The following ATP10A variants were observed in gnomAD, a reference collection of about 807,000 sequenced individuals.
The protein encoded by ATP10A is phospholipid-transporting ATPase VA.
In ATP10A, 111 loss-of-function variants were observed where a neutral mutation model predicts 147.8. The ratio of observed to expected loss-of-function variants is 0.75; its 90% CI spans 0.64 to 0.88. The LOEUF is 0.88. Ranked by LOEUF, ATP10A falls within the 40% of genes least tolerant of loss-of-function variation. The pLI is 0.00. For synonymous variants in ATP10A, 875 were observed against 841.6 expected (o/e 1.04, Z -0.69); for missense variants, 1,927 against 1,959.0 (o/e 0.98, Z 0.31).
chr15:25,679,866 A>G lies in ATP10A; in HGVS notation c.3975T>C (p.Phe1325=). ...PRRCSAPKET[F]AQGRLPKDSG... ...AGTCCTTCGGGAGGCGTCCCTGAGC[A>G]AAGGTCTCTTTGGGAGCACTGCATC... Residue 1325 remains phenylalanine, a synonymous_variant, in exon 21 of 21, where the codon TTT becomes TTC. Coordinates refer to ENST00000555815, the MANE Select transcript of ATP10A (RefSeq NM_024490.4). 8 of 1,610,418 alleles carry G rather than the reference A, an allele frequency of 5.0e-6. No homozygotes were observed. The highest frequency in any genetic ancestry group is 6.8e-6 in the Non-Finnish European group (8 of 1,179,970).
At chr15:25,729,213 G>T (rs890816431) in intron 3 of ATP10A, among the ~76,000 whole-genome samples, 1 of 152,198 alleles carries the variant, frequency 6.6e-6, no homozygotes, top group Non-Finnish European at 1.5e-5. Context: ...TTGGACAGGC[G>T]TGGTGGCTCA....
At chr15:25,743,773 G>A (rs1308194858) in intron 2 of ATP10A, among the ~76,000 whole-genome samples, 3 of 152,188 alleles carry the variant, frequency 2.0e-5, no homozygotes, top group Non-Finnish European at 4.4e-5. Flanking sequence ...GGAGGCTCTA[G>A]AAGAGAATGC....
intron 14 of ATP10A, among the ~76,000 whole-genome samples, chr15:25,692,061 C>G (rs903320820): frequency 2.0e-5 from 3 of 152,090 alleles, no homozygotes; most frequent in African/African-American, 4.8e-5. Context: ...CGCTCTTACA[C>G]CAGTAAAACC....
intron 2 of ATP10A, among the ~76,000 whole-genome samples, chr15:25,759,463 A>G: frequency 6.6e-6 from 1 of 152,178 alleles, no homozygotes; most frequent in East Asian, 1.9e-4. Context: ...GAGGAGTTTG[A>G]GCCTCTGTGT....
intron 3 of ATP10A, among the ~76,000 whole-genome samples, chr15:25,729,284 C>G (rs566892962): frequency 1.3e-5 from 2 of 152,128 alleles, no homozygotes; most frequent in Non-Finnish European, 2.9e-5. Flanking sequence ...GTCAGGAGTT[C>G]GAGACCAGCC....
At chr15:25,772,831 G>C (rs938290074) in intron 2 of ATP10A, among the ~76,000 whole-genome samples, 1 of 152,138 alleles carries the variant, frequency 6.6e-6, no homozygotes, top group Non-Finnish European at 1.5e-5. Flanking sequence ...TACAGTTTTG[G>C]GAGGCGGGGA....
rs558647807 is a variant in ATP10A at position 25,717,919 on chromosome 15, G to A, written c.1581+263C>T. On this transcript the variant is annotated intron_variant, in intron 8 of 20. Coordinates refer to ENST00000555815, the MANE Select transcript of ATP10A (RefSeq NM_024490.4). ...TTTTATTTGCTTCATTTGGCAGCAC[G>A]GGCTTCCTCTTTGTCACCCTTTCTG... Among the ~76,000 whole-genome samples the A allele has an allele frequency of 2.5e-4, 38 of 152,252 alleles. No individual in the cohort carries two copies. In the South Asian group the frequency reaches 7.5e-3, roughly 30 times the overall value.
At chr15:25,717,155 T>G (rs143535899) in intron 8 of ATP10A, among the ~76,000 whole-genome samples, 118 of 152,346 alleles carry the variant, frequency 7.7e-4, no homozygotes, top group African/African-American at 2.3e-3. Flanking sequence ...CCCTCTAGTC[T>G]TTTCGCTCTA....
chr15:25,706,462 G>T lies in ATP10A; in HGVS notation c.2575+1514C>A, dbSNP rs945636617. Among the ~76,000 whole-genome samples, 14 of 152,292 alleles carry T rather than the reference G, an allele frequency of 9.2e-5. No individual in the cohort carries two copies. In the South Asian group the frequency reaches 1.7e-3, roughly 18 times the overall value. ...CTGGGATTACCACAGAGCGGAACTTGGATGCAAAAAGGATTGAGCCACTTG... is the reference window on the plus strand; with the variant it reads ...CTGGGATTACCACAGAGCGGAACTTTGATGCAAAAAGGATTGAGCCACTTG... On this transcript the variant is annotated intron_variant, in intron 12 of 20. Coordinates refer to ENST00000555815, the MANE Select transcript of ATP10A (RefSeq NM_024490.4).
chr15:25,679,549 C>T lies in ATP10A; in HGVS notation c.4292G>A (p.Ser1431Asn). The T allele has an allele frequency of 6.2e-7, 1 of 1,612,740 alleles. No homozygotes were observed. The change falls in exon 21 of 21, where the codon AGC becomes AAC. Residue 1431 changes from serine (S) to asparagine (N), a missense_variant. Ser to Asn is a conservative substitution (Grantham distance 46). Transcript: ENST00000555815. The stretch of plus-strand genomic sequence containing the variant: ...GTTGAGTAAGCTGAAGGTAGGCAGG[C>T]TGAAGAGGGAAGACAGGGGGGTCAC... Reference protein sequence around the residue: ...GRVTPLSSLFSLPTFSLLNWI... With the variant: ...GRVTPLSSLFNLPTFSLLNWI...
chr15:25,732,509 T>C (rs1886997256), intron 3 of ATP10A, among the ~76,000 whole-genome samples: 1 of 151,584 alleles, frequency 6.6e-6, no homozygotes, highest in Non-Finnish European at 1.5e-5. Context: ...CCAATCCACT[T>C]TCTGTGTCTA....
At chr15:25,791,164 T>C (rs2140745621) in intron 1 of ATP10A, among the ~76,000 whole-genome samples, 1 of 141,570 alleles carries the variant, frequency 7.1e-6, no homozygotes, top group South Asian at 2.5e-4. Context: ...CACTGCAACC[T>C]CCGGCTTCTG....
At chr15:25,816,033 A>C in intron 1 of ATP10A, among the ~76,000 whole-genome samples, 1 of 150,676 alleles carries the variant, frequency 6.6e-6, no homozygotes, top group Admixed American at 6.7e-5. Flanking sequence ...TAGAAGATCT[A>C]GAATGCCAGT....
chr15:25,684,840 A>G lies in ATP10A; in HGVS notation c.3292-1354T>C, dbSNP rs147366667. ...TTCTTGACCTGAAAGTGACTTGTGA[A>G]GATCATAAGAAATAATAGCTTATGT... On this transcript the variant is annotated intron_variant, in intron 16 of 20. Transcript: ENST00000555815. Among the ~76,000 whole-genome samples the G allele has an allele frequency of 2.7e-4, 41 of 152,314 alleles. No individual in the cohort carries two copies. In the East Asian group the frequency reaches 6.0e-3, roughly 22 times the overall value.
chr15:25,861,498 A>C (rs1218128931), intron 1 of ATP10A, among the ~76,000 whole-genome samples: 3 of 152,232 alleles, frequency 2.0e-5, no homozygotes, highest in East Asian at 1.9e-4. Flanking sequence ...TCAACTACAG[A>C]GGCACGCATC....
chr15:25,731,145 G>A (rs1486773536), intron 3 of ATP10A, among the ~76,000 whole-genome samples: 1 of 152,212 alleles, frequency 6.6e-6, no homozygotes, highest in Non-Finnish European at 1.5e-5. Flanking sequence ...ACTCCAAAAT[G>A]CAGCTGGTGC....
intron 13 of ATP10A, among the ~76,000 whole-genome samples, chr15:25,698,718 A>G (rs1347752717): frequency 6.6e-6 from 1 of 152,220 alleles, no homozygotes; most frequent in African/African-American, 2.4e-5. Context: ...TGTTGTACAG[A>G]TGGTCCCTGA....
chr15:25,758,712 T>C (rs28803912), intron 2 of ATP10A, among the ~76,000 whole-genome samples: 347 of 27,764 alleles, frequency 0.012, 5 homozygotes, highest in Middle Eastern at 0.053. Context: ...CTCATTCCGA[T>C]CACCTGCTCC....
chr15:25,680,766 G>A, intron 19 of ATP10A, 44 bp downstream of exon 19: 2 of 1,540,992 alleles, frequency 1.3e-6, no homozygotes, highest in East Asian at 2.2e-5. Flanking sequence ...GGGGTCCACG[G>A]CATCAGTGCT....
Sources: allele counts gnomAD v4.1 joint callset (sites outside exome capture counted in the v4.1 genomes callset), GRCh38; gene constraint gnomAD v4.1.1; transcripts MANE v1.5; gene names NCBI Gene and HGNC (gene_info 2026-07-23, HGNC 2026-07-21).